The following RANBP17 variants were observed in gnomAD, a reference collection of about 807,000 sequenced individuals.
The protein encoded by RANBP17 is RAN binding protein 17.
In RANBP17, 158 loss-of-function variants were observed where a neutral mutation model predicts 141.2. The observed-to-expected ratio is 1.12, with a 90% CI of 0.98 to 1.28. The LOEUF (loss-of-function observed/expected upper bound fraction) is 1.28, where lower values mean the gene tolerates loss of function less well. Ranked by LOEUF, RANBP17 falls within the 50% of genes most tolerant of loss-of-function variation. RANBP17 has a pLI of 0.00. For missense variants in RANBP17, 1,438 were observed against 1,290.7 expected (o/e 1.11, Z -1.75); for synonymous variants, 430 against 450.0 (o/e 0.96, Z 0.56).
chr5:171,057,273 C>T (rs1783455738), intron 14 of RANBP17, among the ~76,000 whole-genome samples: 1 of 152,114 alleles, frequency 6.6e-6, no homozygotes. Context: ...TCCTCCACAA[C>T]TTGATTGTTT....
At chr5:171,140,565 T>C (rs1757619325) in intron 14 of RANBP17, among the ~76,000 whole-genome samples, 1 of 152,184 alleles carries the variant, frequency 6.6e-6, no homozygotes, top group Non-Finnish European at 1.5e-5. Flanking sequence ...CCAAGTCCTT[T>C]TGATGCTCAG....
chr5:171,296,487 C>A (rs912269589), intron 27 of RANBP17, among the ~76,000 whole-genome samples: 2 of 152,156 alleles, frequency 1.3e-5, no homozygotes, highest in Non-Finnish European at 2.9e-5. Context: ...GAAATGTCCC[C>A]AGCATATAGA....
chr5:171,025,878 G>C (rs1781202498), intron 14 of RANBP17, among the ~76,000 whole-genome samples: 1 of 152,060 alleles, frequency 6.6e-6, no homozygotes, highest in African/African-American at 2.4e-5. Context: ...ATGAGCCACT[G>C]TGCCCAGCCT....
In RANBP17 at chr5:170,995,617, G is replaced by A. The variant is rs186618675; in HGVS notation, c.1710+27240G>A. On this transcript the variant is annotated intron_variant, in intron 14 of 27. Transcript: ENST00000523189. Reference sequence around the variant, plus strand: ...GATGGTTGATTAAATAGGTTGTACAGCCATATGATGAAATATGAGGCAGAT... The same window carrying A: ...GATGGTTGATTAAATAGGTTGTACAACCATATGATGAAATATGAGGCAGAT... Among the ~76,000 whole-genome samples the A allele has an allele frequency of 4.0e-3, 616 of 152,230 alleles. 5 individuals are homozygous for A. The highest frequency in any genetic ancestry group is 0.014 in the African/African-American group (594 of 41,570).
chr5:171,155,143 A>G (rs1384863161), intron 14 of RANBP17, among the ~76,000 whole-genome samples: 1 of 145,718 alleles, frequency 6.9e-6, no homozygotes, highest in Non-Finnish European at 1.5e-5. Flanking sequence ...ACACACACAT[A>G]TACACATATA....
intron 25 of RANBP17, among the ~76,000 whole-genome samples, chr5:171,290,680 A>G (rs1027545593): frequency 6.6e-6 from 1 of 152,208 alleles, no homozygotes; most frequent in African/African-American, 2.4e-5. Flanking sequence ...ACTGTTTCCT[A>G]TTTTGGTTGT....
chr5:170,944,274 A>ATTTG (rs1440955594), intron 12 of RANBP17, among the ~76,000 whole-genome samples: 5 of 152,118 alleles, frequency 3.3e-5, no homozygotes, highest in Non-Finnish European at 7.4e-5. Flanking sequence ...GCTTAATAAG[A>ATTTG]ACGTCTTTTT....
intron 14 of RANBP17, among the ~76,000 whole-genome samples, chr5:171,123,098 G>A (rs1275324127): frequency 6.6e-6 from 1 of 152,196 alleles, no homozygotes; most frequent in African/African-American, 2.4e-5. Flanking sequence ...CCTCCCTGGT[G>A]TTGCTGCCAT....
At chr5:171,195,043 C>T (rs1164013524) in intron 18 of RANBP17, among the ~76,000 whole-genome samples, 1 of 152,026 alleles carries the variant, frequency 6.6e-6, no homozygotes, top group African/African-American at 2.4e-5. Context: ...TGGGTTTTAC[C>T]TAAAAGCTAA....
chr5:171,048,881 G>A (rs1281945752), intron 14 of RANBP17, among the ~76,000 whole-genome samples: 1 of 152,072 alleles, frequency 6.6e-6, no homozygotes, highest in Non-Finnish European at 1.5e-5. Context: ...GTCTACCATT[G>A]GTGGGCATTT....
chr5:170,964,386 G>T (rs13174580), intron 13 of RANBP17, among the ~76,000 whole-genome samples: 87,666 of 147,582 alleles, frequency 0.59, 27,638 homozygotes, highest in South Asian at 0.85. Context: ...ATGTTTTTTT[G>T]TTGTTGTTGT....
intron 14 of RANBP17, among the ~76,000 whole-genome samples, chr5:171,026,887 T>C (rs767034258): frequency 3.9e-5 from 6 of 152,306 alleles, no homozygotes; most frequent in Non-Finnish European, 5.9e-5. Flanking sequence ...TGTTAGGACC[T>C]GGACTACATG....
Position 170,892,640 on chromosome 5 carries a change from T to G in RANBP17, c.423+87T>G, listed in dbSNP as rs896541024. ...GCTCTTCTTAAAGCGATATAGTTTGTTTTGTGACTACCAGTACCATGTTAA... is the reference window on the plus strand; with the variant it reads ...GCTCTTCTTAAAGCGATATAGTTTGGTTTGTGACTACCAGTACCATGTTAA... On this transcript the variant is annotated intron_variant, in intron 4 of 27. Coordinates refer to ENST00000523189, the MANE Select transcript of RANBP17 (RefSeq NM_022897.5). The G allele has an allele frequency of 1.7e-5, 16 of 950,842 alleles. No individual in the cohort carries two copies. The Admixed American group carries it at 1.8e-4, about 11-fold the overall frequency. The allele number at this position is 950,842 out of a possible 1,614,324, so 58.9% of individuals were successfully genotyped here. A position where few individuals can be genotyped will look rare whatever the true frequency, so the allele number is the denominator to read the frequency against.
chr5:171,227,037 C>A (rs934213933), intron 22 of RANBP17, among the ~76,000 whole-genome samples: 1 of 152,188 alleles, frequency 6.6e-6, no homozygotes, highest in African/African-American at 2.4e-5. Context: ...CCTCCCCACT[C>A]CCTATTCTCT....
In RANBP17 at chr5:170,914,217, C is replaced by T. The variant is rs780067577; in HGVS notation, c.811C>T (p.Leu271Phe). The T allele has an allele frequency of 2.2e-5, 35 of 1,607,946 alleles. No homozygotes were observed. Among genetic ancestry groups the T allele is most frequent in the Middle Eastern group, 1.6e-4 (1 of 6,062 alleles). ...LDLFFNLYHS[L>F]PPLLSQLALS... ...TCTTTTCTTCAATTTGTATCATTCA[C>T]TTCCACCACTACTATCTCAGTTAGT... The change falls in exon 8 of 28, where the codon CTT becomes TTT. Residue 271 changes from leucine to phenylalanine, a missense_variant. By Grantham distance (22) the Leu-to-Phe change is conservative. Transcript: ENST00000523189.
intron 13 of RANBP17, among the ~76,000 whole-genome samples, chr5:170,967,398 TCAA>T (rs1776651179): frequency 6.6e-6 from 1 of 152,124 alleles, no homozygotes; most frequent in South Asian, 2.1e-4. Flanking sequence ...TACTGCTTCC[TCAA>T]CAACCTCTAC....
At chr5:170,950,798 T>C (rs1282670609) in intron 12 of RANBP17, among the ~76,000 whole-genome samples, 1 of 152,170 alleles carries the variant, frequency 6.6e-6, no homozygotes, top group African/African-American at 2.4e-5. Flanking sequence ...ATTGCAGCAC[T>C]GTTCACAATA....
intron 14 of RANBP17, among the ~76,000 whole-genome samples, chr5:171,013,018 A>C (rs1780169976): frequency 6.6e-6 from 1 of 152,206 alleles, no homozygotes; most frequent in Non-Finnish European, 1.5e-5. Context: ...GATATTTAGA[A>C]GCTTTGAATG....
At chr5:171,233,534 A>T (rs1260121471) in intron 22 of RANBP17, among the ~76,000 whole-genome samples, 6 of 152,236 alleles carry the variant, frequency 3.9e-5, no homozygotes, top group Non-Finnish European at 8.8e-5. Context: ...CAGTACACCC[A>T]GACAATGGAA....
Sources: gnomAD v4.1 joint callset for allele counts (sites outside exome capture counted in the v4.1 genomes callset) on GRCh38, gnomAD v4.1.1 for gene constraint, MANE v1.5 for transcripts, NCBI Gene and HGNC (gene_info 2026-07-23, HGNC 2026-07-21) for gene names.